FOXO3: variants seen among roughly 807,000 people sequenced by gnomAD.
FOXO3 encodes the protein forkhead box protein O3.
FOXO3 carries 4 observed loss-of-function variants against 41.9 expected under a neutral mutation model. The ratio of observed to expected loss-of-function variants is 0.10; its 90% CI spans 0.05 to 0.22. FOXO3 has a LOEUF of 0.22. Ranked by LOEUF, FOXO3 falls within the 10% of genes least tolerant of loss-of-function variation. The probability of loss-of-function intolerance (pLI) is 1.00; values close to 1 mark genes in which losing one functional copy is unlikely to be tolerated. For synonymous variants in FOXO3, 318 were observed against 389.3 expected, an observed-to-expected ratio of 0.82 and a Z score of 2.16; for missense variants, 534 against 906.8, an observed-to-expected ratio of 0.59 and a Z score of 5.28.
chr6:108,601,400 T>G (rs1409567167), intron 1 of FOXO3, among the ~76,000 whole-genome samples: 2 of 152,122 alleles, frequency 1.3e-5, no homozygotes, highest in African/African-American at 4.8e-5. Flanking sequence ...GCCTCCTGGT[T>G]TCAAGTGATT....
intron 1 of FOXO3, among the ~76,000 whole-genome samples, chr6:108,658,139 GA>G (rs1778743179): frequency 6.6e-6 from 1 of 152,154 alleles, no homozygotes; most frequent in Non-Finnish European, 1.5e-5. Flanking sequence ...GACCTGTGAG[GA>G]AAACAGAATG....
intron 1 of FOXO3, among the ~76,000 whole-genome samples, chr6:108,576,001 A>G (rs1209789904): frequency 6.6e-6 from 1 of 152,232 alleles, no homozygotes. Context: ...TTTTAAAGTT[A>G]TCTTCGAGCT....
intron 2 of FOXO3, among the ~76,000 whole-genome samples, chr6:108,666,552 C>T (rs1269043165): frequency 6.6e-6 from 1 of 151,474 alleles, no homozygotes; most frequent in Non-Finnish European, 1.5e-5. Context: ...ACTGTGTTCA[C>T]CAGGATGGTC....
intron 2 of FOXO3, among the ~76,000 whole-genome samples, chr6:108,666,186 A>G (rs1323950732): frequency 1.3e-5 from 2 of 152,148 alleles, no homozygotes; most frequent in Non-Finnish European, 2.9e-5. Context: ...TATTACAAGA[A>G]TCAAATGCAC....
At chr6:108,611,542 T>A (rs1230695402) in intron 1 of FOXO3, among the ~76,000 whole-genome samples, 1 of 152,222 alleles carries the variant, frequency 6.6e-6, no homozygotes, top group Non-Finnish European at 1.5e-5. Context: ...TTGCCAGTAT[T>A]TTTACTTTTC....
At position 108,679,542 on chromosome 6, in the gene FOXO3, GCTTT is replaced by G. The variant is rs764907563; in HGVS notation, c.*35-280_*35-277del. Among the ~76,000 whole-genome samples the G allele has an allele frequency of 5.2e-4, 79 of 152,168 alleles. 1 individual carries two copies. The highest frequency in any genetic ancestry group is 9.6e-4 in the Non-Finnish European group (65 of 67,998). ...GACCCACCAAAACACCCCTAATATG[GCTTT>G]CTTTATCTCCCAAAGTGAATGATCC... On this transcript the variant is annotated intron_variant, in intron 2 of 2. Coordinates refer to ENST00000406360, the MANE Select transcript of FOXO3 (RefSeq NM_001455.4).
chr6:108,573,197 G>C (rs1450553099), intron 1 of FOXO3, among the ~76,000 whole-genome samples: 1 of 152,144 alleles, frequency 6.6e-6, no homozygotes, highest in Non-Finnish European at 1.5e-5. Context: ...TGAGGCAGTA[G>C]AATGGCGTGA....
At chr6:108,603,349 A>G (rs572065974) in intron 1 of FOXO3, among the ~76,000 whole-genome samples, 16 of 152,284 alleles carry the variant, frequency 1.1e-4, no homozygotes, top group African/African-American at 3.9e-4. Context: ...GTTTATAATC[A>G]ATTATTCATT....
Position 108,663,696 on chromosome 6 carries a change from T to A in FOXO3, c.863T>A (p.Leu288His). 6.2e-7 allele frequency: 1 copy of A among 1,613,456 alleles called. No homozygotes were observed. The highest frequency in any genetic ancestry group is 8.5e-7 in the Non-Finnish European group (1 of 1,179,634). The change falls in exon 2 of 3, where the codon CTC becomes CAC. Residue 288 changes from leucine (L) to histidine (H), a missense_variant. By Grantham distance (99) the Leu-to-His change is moderately conservative. Transcript: ENST00000406360. ...PESADDSPSQLSKWPGSPTSR... is the reference protein window; with the variant it reads ...PESADDSPSQHSKWPGSPTSR... The stretch of plus-strand genomic sequence containing the variant: ...TCAGCTGACGACAGTCCCTCCCAGC[T>A]CTCCAAGTGGCCTGGCAGCCCCACG...
At chr6:108,624,354 C>T (rs1040481712) in intron 1 of FOXO3, among the ~76,000 whole-genome samples, 4 of 151,296 alleles carry the variant, frequency 2.6e-5, no homozygotes, top group Middle Eastern at 3.4e-3. Context: ...AAAGATACAG[C>T]ATTTTTGGTA....
intron 1 of FOXO3, among the ~76,000 whole-genome samples, chr6:108,595,447 A>G (rs751594178): frequency 2.6e-5 from 4 of 152,186 alleles, no homozygotes; most frequent in Non-Finnish European, 1.5e-5. Context: ...AAATGCAACA[A>G]AGTTTTCATT....
upstream of FOXO3, chr6:108,560,864 C>CCGCGCGAGGCCGTCGATT: frequency 1.2e-6 from 1 of 833,330 alleles, no homozygotes; most frequent in Non-Finnish European, 1.6e-6. Context: ...GGGGGCTGCC[C>CCGCGCGAGGCCGTCGATT]CGCGCGAGGC....
At chr6:108,612,071 A>C (rs1777380264) in intron 1 of FOXO3, among the ~76,000 whole-genome samples, 1 of 152,072 alleles carries the variant, frequency 6.6e-6, no homozygotes, top group South Asian at 2.1e-4. Context: ...TAACTCTTCC[A>C]ATTTAGTTCT....
At chr6:108,573,014 C>A (rs189385071) in intron 1 of FOXO3, among the ~76,000 whole-genome samples, 51 of 152,126 alleles carry the variant, frequency 3.4e-4, no homozygotes, top group Non-Finnish European at 2.9e-5. Context: ...TTGGCCGGCG[C>A]GGTGGCTCAC....
intron 1 of FOXO3, among the ~76,000 whole-genome samples, chr6:108,610,113 C>T (rs1421006996): frequency 2.6e-5 from 4 of 152,026 alleles, no homozygotes; most frequent in Non-Finnish European, 5.9e-5. Context: ...CATATACAGG[C>T]TTTACAATGG....
At chr6:108,573,378 A>G (rs1217187235) in intron 1 of FOXO3, among the ~76,000 whole-genome samples, 1 of 152,206 alleles carries the variant, frequency 6.6e-6, no homozygotes, top group African/African-American at 2.4e-5. Flanking sequence ...CTCTATCCCC[A>G]GGAATCCCCA....
At position 108,616,884 on chromosome 6, in the gene FOXO3, T is replaced by C. The variant is rs966951345; in HGVS notation, c.622-46571T>C. Among the ~76,000 whole-genome samples, 9 of 152,346 alleles carry C rather than the reference T, an allele frequency of 5.9e-5. No individual in the cohort carries two copies. In the South Asian group the frequency reaches 6.2e-4, roughly 11 times the overall value. On this transcript the variant is annotated intron_variant, in intron 1 of 2. Coordinates refer to ENST00000406360, the MANE Select transcript of FOXO3 (RefSeq NM_001455.4). The stretch of plus-strand genomic sequence containing the variant: ...ATTTCATATCAATGGAATCATATAA[T>C]AGGTAGTACTTTGTGAGTGCCTTCT...
chr6:108,600,104 G>A (rs953792243), intron 1 of FOXO3, among the ~76,000 whole-genome samples: 1 of 152,132 alleles, frequency 6.6e-6, no homozygotes, highest in African/African-American at 2.4e-5. Flanking sequence ...ACTGAACTTG[G>A]GAAAGCTTCT....
intron 1 of FOXO3, among the ~76,000 whole-genome samples, chr6:108,629,149 T>A (rs1185226580): frequency 6.6e-6 from 1 of 152,162 alleles, no homozygotes; most frequent in Admixed American, 6.5e-5. Flanking sequence ...AAATTTAAAA[T>A]GATCTGTTAC....
Sources: gnomAD v4.1 joint callset for allele counts (sites outside exome capture counted in the v4.1 genomes callset) on GRCh38, gnomAD v4.1.1 for gene constraint, MANE v1.5 for transcripts, NCBI Gene and HGNC (gene_info 2026-07-23, HGNC 2026-07-21) for gene names.